TRHDE: variants seen among roughly 807,000 people sequenced by gnomAD.
TRHDE encodes thyrotropin-releasing hormone-degrading ectoenzyme.
In TRHDE, 72 loss-of-function variants were observed where a neutral mutation model predicts 125.7. The ratio of observed to expected loss-of-function variants is 0.57; its 90% CI spans 0.47 to 0.70. TRHDE has a LOEUF of 0.70. Ranked by LOEUF, TRHDE falls within the 30% of genes least tolerant of loss-of-function variation. The probability of loss-of-function intolerance (pLI) is 0.00; values close to 1 mark genes in which losing one functional copy is unlikely to be tolerated. For missense variants in TRHDE, 1,110 were observed against 1,327.1 expected, an observed-to-expected ratio of 0.84 and a Z score of 2.54; for synonymous variants, 509 against 509.1, an observed-to-expected ratio of 1.00 and a Z score of 0.00.
intron 1 of TRHDE, among the ~76,000 whole-genome samples, chr12:72,280,931 G>A (rs1006975482): frequency 1.8e-4 from 28 of 152,218 alleles, no homozygotes; most frequent in South Asian, 4.2e-4. Flanking sequence ...TCTCAGACAC[G>A]AATTTTATTT....
chr12:72,655,665 C>A (rs910586504), intron 17 of TRHDE, among the ~76,000 whole-genome samples: 8 of 152,088 alleles, frequency 5.3e-5, no homozygotes, highest in African/African-American at 1.9e-4. Context: ...TAGTATAATA[C>A]CTTCAAGGAA....
intron 16 of TRHDE, among the ~76,000 whole-genome samples, chr12:72,652,800 G>T (rs1874557572): frequency 6.6e-6 from 1 of 151,630 alleles, no homozygotes; most frequent in South Asian, 2.1e-4. Flanking sequence ...CCTTTCACAA[G>T]ATTTTTTTAG....
rs1592472380 is a variant in TRHDE, at chr12:72,474,492, A to G, written c.1584+1312A>G. On this transcript the variant is annotated intron_variant, in intron 5 of 18. Coordinates refer to ENST00000261180, the MANE Select transcript of TRHDE (RefSeq NM_013381.3). Reference sequence around the variant, plus strand: ...ATTCTCTGCTTCTGTGAATTTGACTATTTTAGATTTCTTATAGAAGTGGAA... The same window carrying G: ...ATTCTCTGCTTCTGTGAATTTGACTGTTTTAGATTTCTTATAGAAGTGGAA... Among the ~76,000 whole-genome samples, 3 of 152,142 alleles carry G rather than the reference A, an allele frequency of 2.0e-5. No homozygotes were observed. In the East Asian group the frequency reaches 5.8e-4, roughly 29 times the overall value.
intron 2 of TRHDE, among the ~76,000 whole-genome samples, chr12:72,292,391 C>T (rs74103702): frequency 0.18 from 27,416 of 152,102 alleles, 2,609 homozygotes; most frequent in Middle Eastern, 0.33. Context: ...AGTCCTGGCT[C>T]TTTTATATTT....
chr12:72,114,498 A>G (rs1478883739), intron 2 of TRHDE, among the ~76,000 whole-genome samples: 1 of 152,134 alleles, frequency 6.6e-6, no homozygotes, highest in Admixed American at 6.6e-5. Context: ...AATAAAATAT[A>G]TTTACTATTC....
chr12:72,300,692 G>A (rs1030597894), intron 2 of TRHDE, among the ~76,000 whole-genome samples: 1 of 151,512 alleles, frequency 6.6e-6, no homozygotes. Flanking sequence ...TACACACACA[G>A]TATATATATG....
chr12:72,400,015 G>GT (rs1163045123), intron 3 of TRHDE, among the ~76,000 whole-genome samples: 3 of 152,026 alleles, frequency 2.0e-5, no homozygotes, highest in Admixed American at 6.6e-5. Flanking sequence ...CTGGACCTCA[G>GT]TTTTTTAATC....
chr12:72,584,093 G>C (rs1871349842), intron 12 of TRHDE, among the ~76,000 whole-genome samples: 1 of 151,978 alleles, frequency 6.6e-6, no homozygotes, highest in Non-Finnish European at 1.5e-5. Context: ...AACTTTCTTA[G>C]AGACTTTTAG....
At chr12:72,108,925 G>A (rs1875251448) in intron 2 of TRHDE, among the ~76,000 whole-genome samples, 1 of 152,030 alleles carries the variant, frequency 6.6e-6, no homozygotes, top group African/African-American at 2.4e-5. Flanking sequence ...TTATAGGTCT[G>A]CAATATAGAG....
intron 2 of TRHDE, among the ~76,000 whole-genome samples, chr12:72,121,193 C>T (rs1362210408): frequency 2.0e-5 from 3 of 151,974 alleles, no homozygotes; most frequent in Non-Finnish European, 2.9e-5. Flanking sequence ...TCTTTTTTCT[C>T]GTTAATGTCC....
chr12:72,158,339 TATATATA>T (rs1876563988), intron 2 of TRHDE, among the ~76,000 whole-genome samples: 1 of 151,400 alleles, frequency 6.6e-6, no homozygotes, highest in Admixed American at 6.6e-5. Flanking sequence ...ATTATATGTA[TATATATA>T]ATATATATGT....
intron 15 of TRHDE, among the ~76,000 whole-genome samples, chr12:72,645,109 A>C (rs1874227932): frequency 6.6e-6 from 1 of 152,194 alleles, no homozygotes; most frequent in Non-Finnish European, 1.5e-5. Flanking sequence ...TCTAGGAAAG[A>C]TGTCCCAAAC....
intron 2 of TRHDE, among the ~76,000 whole-genome samples, chr12:72,266,992 TATTA>T (rs1879083873): frequency 1.3e-5 from 2 of 152,114 alleles, no homozygotes; most frequent in Admixed American, 6.6e-5. Flanking sequence ...TAGCTATTAT[TATTA>T]TTTTCATTAA....
chr12:72,535,265 C>T (rs1024686967), intron 6 of TRHDE, among the ~76,000 whole-genome samples: 1 of 152,076 alleles, frequency 6.6e-6, no homozygotes, highest in Admixed American at 6.6e-5. Flanking sequence ...TAGATCATCT[C>T]ACATGCCTAA....
intron 3 of TRHDE, among the ~76,000 whole-genome samples, chr12:72,437,020 A>G (rs1374803323): frequency 6.6e-6 from 1 of 151,844 alleles, no homozygotes; most frequent in Non-Finnish European, 1.5e-5. Flanking sequence ...ACATATATCT[A>G]TATCCCCTTA....
chr12:72,561,561 T>A (rs11179251), intron 7 of TRHDE, among the ~76,000 whole-genome samples: 7,378 of 152,286 alleles, frequency 0.048, 275 homozygotes, highest in Middle Eastern at 0.11. Context: ...AAATGGCAAG[T>A]CCTAAGGCCC....
At chr12:72,640,597 G>A (rs1368590440) in intron 15 of TRHDE, among the ~76,000 whole-genome samples, 4 of 151,850 alleles carry the variant, frequency 2.6e-5, no homozygotes, top group Admixed American at 1.3e-4. Flanking sequence ...GCCTGAAACA[G>A]TGACTTCTTT....
intron 12 of TRHDE, among the ~76,000 whole-genome samples, chr12:72,580,108 C>A (rs1363425596): frequency 6.6e-6 from 1 of 152,134 alleles, no homozygotes; most frequent in African/African-American, 2.4e-5. Flanking sequence ...ACTAGATATG[C>A]ATTAGATTTA....
chr12:72,621,256 A>G, intron 14 of TRHDE, 51 bp downstream of exon 14: 1 of 1,152,272 alleles, frequency 8.7e-7, no homozygotes, highest in Admixed American at 1.8e-5. Context: ...CTGTATAATA[A>G]TGTACTACTA....
Sources: gnomAD v4.1 joint callset for allele counts (sites outside exome capture counted in the v4.1 genomes callset) on GRCh38, gnomAD v4.1.1 for gene constraint, MANE v1.5 for transcripts, NCBI Gene and HGNC (gene_info 2026-07-23, HGNC 2026-07-21) for gene names.